Variants in TAF1 observed in about 807,000 individuals in gnomAD.
TAF1 encodes TATA-box binding protein associated factor 1.
TAF1 carries 2 observed loss-of-function variants against 138.5 expected under a neutral mutation model. That is an observed-to-expected ratio of 0.01 (90% CI 0.01 to 0.05). The LOEUF (loss-of-function observed/expected upper bound fraction) is 0.05. Ranked by LOEUF, TAF1 falls within the 10% of genes least tolerant of loss-of-function variation. The pLI is 1.00. For synonymous variants in TAF1, 437 were observed against 503.2 expected (o/e 0.87, Z 1.76); for missense variants, 709 against 1,478.0 (o/e 0.48, Z 8.53).
At chrX:71,369,854 C>A (rs1459079694) in intron 3 of TAF1, among the ~76,000 whole-genome samples, 1 of 107,764 alleles carries the variant, frequency 9.3e-6, no homozygotes, top group Non-Finnish European at 1.9e-5. Context: ...ACCTCGTGAT[C>A]CACCCGCCTC....
At chrX:71,491,636 A>T (rs2039285346) in intron 13 of TAF1, 1 of 109,629 alleles carries the variant, frequency 9.1e-6, no homozygotes, top group South Asian at 4.0e-4. Context: ...TCCCTATAAA[A>T]GGAATGGCTC....
At chrX:71,460,944 A>C in intron 37 of TAF1, 141 bp downstream of exon 37, 1 of 882,007 alleles carries the variant, frequency 1.1e-6, no homozygotes, top group Non-Finnish European at 1.6e-6. Context: ...GGCTCTGGGG[A>C]TACACAGAGG....
At position 71,514,342 on chromosome X, in the gene TAF1, A is replaced by G. The variant is rs1052229913; in HGVS notation, c.1367-14200A>G. Among the ~76,000 whole-genome samples, 7 of 109,557 alleles carry G rather than the reference A, an allele frequency of 6.4e-5. No homozygotes were observed. The Admixed American group carries it at 6.9e-4, about 11-fold the overall frequency. On this transcript the variant is annotated intron_variant and NMD_transcript_variant, in intron 13 of 14. Coordinates refer to the TAF1 transcript ENST00000373775. ...TCTCAGAAAAGCAAACAAACAAACA[A>G]ACAAACAAAACAAAAACCATTGAGA...
At position 71,458,245 on chromosome X, in the gene TAF1, C is replaced by G; in HGVS notation, c.4943C>G (p.Pro1648Arg). 1 of 1,210,254 alleles carries G rather than the reference C, an allele frequency of 8.3e-7. No homozygotes were observed. The highest frequency in any genetic ancestry group is 1.1e-6 in the Non-Finnish European group (1 of 894,921). Residue 1648 changes from proline (P) to arginine (R), a missense_variant, in exon 35 of 38, where the codon CCT becomes CGT. Coordinates refer to ENST00000423759, the MANE Select transcript of TAF1 (RefSeq NM_004606.5). ...MTPGPYTPQPPDLYDTNTSLS... is the reference protein window; with the variant it reads ...MTPGPYTPQPRDLYDTNTSLS... ...GTTGTATGTTTTGTGCCACAGCCTC[C>G]TGATTTGTATGATACCAACACATCC...
chrX:71,452,079 G>A (rs1393172771), intron 32 of TAF1, among the ~76,000 whole-genome samples: 14 of 99,424 alleles, frequency 1.4e-4, no homozygotes, highest in South Asian at 4.9e-4. Flanking sequence ...CTCACCTCCC[G>A]GACGGGGCGG....
At chrX:71,381,163 A>G (rs1260001621) in intron 8 of TAF1, among the ~76,000 whole-genome samples, 2 of 112,838 alleles carry the variant, frequency 1.8e-5, no homozygotes, top group African/African-American at 3.2e-5. Context: ...CATATCATTT[A>G]TTGTCATAAT....
intron 13 of TAF1, among the ~76,000 whole-genome samples, chrX:71,517,185 G>A (rs1372813459): frequency 9.0e-6 from 1 of 111,365 alleles, no homozygotes; most frequent in African/African-American, 3.3e-5. Context: ...ACCAGAGGCT[G>A]GGAAGGGTAG....
At chrX:71,401,885 C>G (rs1032350881) in intron 25 of TAF1, 146 bp downstream of exon 25, 3 of 562,156 alleles carry the variant, frequency 5.3e-6, no homozygotes, top group Non-Finnish European at 8.6e-6. Flanking sequence ...GTTATTGTTG[C>G]CAGTAATGAA....
In TAF1 at chrX:71,464,343, A is replaced by G. The variant is rs2038674934; in HGVS notation, c.*297A>G. On this transcript the variant is annotated 3_prime_UTR_variant, in exon 38 of 38. Transcript: ENST00000423759. Reference sequence around the variant, plus strand: ...TTTAACTCCATTTATTGCTTTTGGTATAATTTTTCCCTGGGGAAGGAGGGG... The same window carrying G: ...TTTAACTCCATTTATTGCTTTTGGTGTAATTTTTCCCTGGGGAAGGAGGGG... 1 of 375,962 alleles carries G rather than the reference A, an allele frequency of 2.7e-6. No homozygotes were observed. The highest frequency in any genetic ancestry group is 4.5e-6 in the Non-Finnish European group (1 of 219,780). The allele number at this position is 375,962 out of a possible 1,213,427, so 31.0% of individuals were successfully genotyped here. A position where few individuals can be genotyped will look rare whatever the true frequency, so the allele number is the denominator to read the frequency against.
Position 71,528,330 on chromosome X carries a change from TG to T in TAF1, c.1367-210del, listed in dbSNP as rs764504481. The T allele has an allele frequency of 1.4e-3, 382 of 270,406 alleles. 5 individuals carry two copies. The highest frequency in any genetic ancestry group is 0.01 in the African/African-American group (354 of 35,284). The allele number at this position is 270,406 out of a possible 1,213,427, so 22.3% of individuals were successfully genotyped here. ...TGTCACAACCATAGTGTCACTACTT[TG>T]GACAGAATCATCAACTCTTGCAACC... On this transcript the variant is annotated intron_variant and NMD_transcript_variant, in intron 13 of 14. Coordinates refer to the TAF1 transcript ENST00000373775.
chrX:71,506,021 G>GTAA (rs1258152652), intron 13 of TAF1, among the ~76,000 whole-genome samples: 5 of 95,976 alleles, frequency 5.2e-5, no homozygotes, highest in African/African-American at 7.7e-5. Flanking sequence ...CTCTGCCTCA[G>GTAA]TAATAATAAT....
intron 17 of TAF1, 93 bp downstream of exon 17, chrX:71,388,961 C>A: frequency 9.6e-7 from 1 of 1,037,763 alleles, no homozygotes; most frequent in South Asian, 2.4e-5. Context: ...GATTCTTTCT[C>A]TGACTGGCTT....
chrX:71,442,977 G>A (rs144295207), intron 32 of TAF1, among the ~76,000 whole-genome samples: 175 of 111,790 alleles, frequency 1.6e-3, no homozygotes, highest in African/African-American at 5.3e-3. Flanking sequence ...GGTTGTAGAT[G>A]TGTGGTATTA....
intron 32 of TAF1, among the ~76,000 whole-genome samples, chrX:71,452,183 A>T (rs1435076885): frequency 2.1e-5 from 2 of 97,286 alleles, no homozygotes; most frequent in African/African-American, 7.8e-5. Flanking sequence ...TCCCTCCTGG[A>T]CGGGGTGGCT....
chrX:71,512,493 A>T (rs1186461511), intron 13 of TAF1, among the ~76,000 whole-genome samples: 1 of 111,411 alleles, frequency 9.0e-6, no homozygotes, highest in Non-Finnish European at 1.9e-5. Context: ...GAGATCAAAA[A>T]GGAGACCAAA....
At chrX:71,387,583 G>A (rs1470850055) in intron 15 of TAF1, 122 bp downstream of exon 15, 21 of 803,736 alleles carry the variant, frequency 2.6e-5, no homozygotes, top group East Asian at 3.4e-5. Context: ...TGGATCACTT[G>A]AGGTCAGGAG....
At chrX:71,500,531 CCACCCCGCCCCCACCCCCCG>C (rs1334460813) in intron 13 of TAF1, among the ~76,000 whole-genome samples, 7 of 95,317 alleles carry the variant, frequency 7.3e-5, no homozygotes, top group South Asian at 5.8e-4. Flanking sequence ...CTCCCCACCC[CCACCCCGCCCCCACCCCCCG>C]CTGGCCCAAG....
chrX:71,449,033 C>T (rs1486012092), intron 32 of TAF1, among the ~76,000 whole-genome samples: 1 of 107,536 alleles, frequency 9.3e-6, no homozygotes, highest in Non-Finnish European at 1.9e-5. Flanking sequence ...GCTCTTGTTG[C>T]CCAGGCTGGA....
chrX:71,500,788 C>T (rs144632886), intron 13 of TAF1, among the ~76,000 whole-genome samples: 1,611 of 109,752 alleles, frequency 0.015, 20 homozygotes, highest in Non-Finnish European at 0.025. Flanking sequence ...AAAGGCTGGG[C>T]GCGGTGGCTC....
Sources: gnomAD v4.1 joint callset for allele counts (sites outside exome capture counted in the v4.1 genomes callset) on GRCh38, gnomAD v4.1.1 for gene constraint, MANE v1.5 for transcripts, NCBI Gene and HGNC (gene_info 2026-07-23, HGNC 2026-07-21) for gene names.